The following MKNK2 variants were observed in gnomAD, a reference collection of about 807,000 sequenced individuals.
MKNK2 encodes the protein MAP kinase-interacting serine/threonine-protein kinase 2.
MKNK2 carries 54 observed loss-of-function variants against 55.0 expected under a neutral mutation model. That is an observed-to-expected ratio of 0.98 (90% CI 0.79 to 1.23). MKNK2 has a LOEUF of 1.23. Ranked by LOEUF, MKNK2 falls within the 50% of genes most tolerant of loss-of-function variation. The pLI, the probability that MKNK2 is intolerant of heterozygous loss-of-function variation, is 0.00. For synonymous variants in MKNK2, 323 were observed against 256.0 expected (o/e 1.26, Z -2.50); for missense variants, 685 against 632.1 (o/e 1.08, Z -0.90).
At chr19:2,045,813 G>A (rs1276740747) in intron 5 of MKNK2, among the ~76,000 whole-genome samples, 1 of 152,220 alleles carries the variant, frequency 6.6e-6, no homozygotes, top group African/African-American at 2.4e-5. Context: ...GCCGCCCAGG[G>A]CTAGAGTGAC....
chr19:2,037,889 C>T lies in MKNK2; in HGVS notation c.*1724G>A. The T allele has an allele frequency of 6.7e-7, 1 of 1,495,144 alleles. No homozygotes were observed. Among genetic ancestry groups the T allele is most frequent in the East Asian group, 2.3e-5 (1 of 42,716 alleles). 92.6% of individuals were successfully genotyped at this position (1,495,144 alleles called of 1,614,324 possible). ...GCTGCTAGCCACTCAGCTTTAGAGA[C>T]CCGATGGCTATGGGCGCCTGCAGCG... On this transcript the variant is annotated 3_prime_UTR_variant, in exon 14 of 14. Transcript: ENST00000250896.
In MKNK2 at chr19:2,037,663, C is replaced by T. The variant is rs1321439350; in HGVS notation, c.*1950G>A. The T allele has an allele frequency of 2.8e-5, 22 of 790,038 alleles. No individual in the cohort carries two copies. The highest frequency in any genetic ancestry group is 4.0e-4 in the Middle Eastern group (1 of 2,520). 48.9% of individuals were successfully genotyped at this position (790,038 alleles called of 1,614,324 possible). On this transcript the variant is annotated 3_prime_UTR_variant, in exon 14 of 14. Transcript: ENST00000250896. ...TTTTTTTTTTGTCTTTTAAAAACAT[C>T]GTAACATTAACACATGGCCGTTCAC...
rs558092246 is a variant in MKNK2, at chr19:2,039,070, A to G, written c.*543T>C. 9.9e-5 allele frequency: 98 copies of G among 986,872 alleles called. No individual in the cohort carries two copies. The African/African-American group carries it at 1.6e-3, about 16-fold the overall frequency. 61.1% of individuals were successfully genotyped at this position (986,872 alleles called of 1,614,324 possible). The stretch of plus-strand genomic sequence containing the variant: ...CCACCTGCCTGCCTGACACCTCCAG[A>G]GACAGGCAGCCCCTCCCTTCCCCAA... On this transcript the variant is annotated 3_prime_UTR_variant, in exon 14 of 14. Coordinates refer to ENST00000250896, the MANE Select transcript of MKNK2 (RefSeq NM_199054.3).
At chr19:2,050,431 A>C (rs2145698060) in intron 2 of MKNK2, among the ~76,000 whole-genome samples, 1 of 152,274 alleles carries the variant, frequency 6.6e-6, no homozygotes, top group South Asian at 2.1e-4. Context: ...GACACCCCCC[A>C]TAAGCCACAT....
In MKNK2 at chr19:2,037,756, C is replaced by A. The variant is rs559094668; in HGVS notation, c.*1857G>T. 5 of 1,598,820 alleles carry A rather than the reference C, an allele frequency of 3.1e-6. No individual in the cohort carries two copies. In the Admixed American group the frequency reaches 8.4e-5, roughly 27 times the overall value. ...CAGGATCTTCACTCATTCACAGTAA[C>A]GGTTCTGACCAGTCCTCCAGGTCGC... On this transcript the variant is annotated 3_prime_UTR_variant, in exon 14 of 14. Coordinates refer to ENST00000250896, the MANE Select transcript of MKNK2 (RefSeq NM_199054.3).
Position 2,039,366 on chromosome 19 carries a change from C to T in MKNK2, c.*247G>A, listed in dbSNP as rs1455732467. ...CAAGCCCACCCACCTACCCTCTGCTCACCTTCCCGGGTGCCTGCAATGCTT... is the reference window on the plus strand; with the variant it reads ...CAAGCCCACCCACCTACCCTCTGCTTACCTTCCCGGGTGCCTGCAATGCTT... On this transcript the variant is annotated 3_prime_UTR_variant, in exon 14 of 14. Coordinates refer to ENST00000250896, the MANE Select transcript of MKNK2 (RefSeq NM_199054.3). 4 of 1,377,022 alleles carry T rather than the reference C, an allele frequency of 2.9e-6. No homozygotes were observed. The East Asian group carries it at 7.9e-5, about 27-fold the overall frequency. The allele number at this position is 1,377,022 out of a possible 1,614,324, so 85.3% of individuals were successfully genotyped here.
At chr19:2,041,338 G>T (rs1187635254) in intron 11 of MKNK2, 134 bp from the exon 12 acceptor site, 3 of 870,778 alleles carry the variant, frequency 3.4e-6, no homozygotes, top group Non-Finnish European at 5.2e-6. Context: ...GGCAGAGGGG[G>T]CTGGGAGCCG....
At position 2,038,510 on chromosome 19, in the gene MKNK2, G is replaced by C; in HGVS notation, c.*1103C>G. 1.0e-6 allele frequency: 1 copy of C among 985,632 alleles called. No individual in the cohort carries two copies. Among genetic ancestry groups the C allele is most frequent in the Non-Finnish European group, 1.2e-6 (1 of 829,998 alleles). The allele number at this position is 985,632 out of a possible 1,614,324, so 61.1% of individuals were successfully genotyped here. A position where few individuals can be genotyped will look rare whatever the true frequency, so the allele number is the denominator to read the frequency against. ...GGACTGAGCAGACCCCCGCATTCCTGGGTGCCCGAAGGGAGGCCGAGGCCG... is the reference window on the plus strand; with the variant it reads ...GGACTGAGCAGACCCCCGCATTCCTCGGTGCCCGAAGGGAGGCCGAGGCCG... On this transcript the variant is annotated 3_prime_UTR_variant, in exon 14 of 14. Transcript: ENST00000250896.
rs776764790 is a variant in MKNK2, at chr19:2,039,722, G to GT, written c.1288dup (p.Thr430AsnfsTer46). On this transcript the variant is annotated frameshift_variant, in exon 14 of 14. Coordinates refer to ENST00000250896, the MANE Select transcript of MKNK2 (RefSeq NM_199054.3). LOFTEE classifies it high-confidence loss of function. ...TGGAGACAGCTGCAGGCAGCGTGAG[G>GT]TAGCTCGGACCAGGACGGGCTGGCC... The GT allele has an allele frequency of 6.2e-7, 1 of 1,611,854 alleles. No individual in the cohort carries two copies. The highest frequency in any genetic ancestry group is 8.5e-7 in the Non-Finnish European group (1 of 1,179,902).
rs1225402101 is a variant in MKNK2, at chr19:2,040,067, CA to C, written c.1154+66del. ...CCAAAGCAGTTCTCCGGGTCTTTCA[CA>C]AATGTCTTAACCTGGAAACCCCGCC... On this transcript the variant is annotated intron_variant, in intron 13 of 13. Transcript: ENST00000250896. 6 of 1,518,726 alleles carry C rather than the reference CA, an allele frequency of 4.0e-6. No homozygotes were observed. In the East Asian group the frequency reaches 9.5e-5, roughly 24 times the overall value. 94.1% of individuals were successfully genotyped at this position (1,518,726 alleles called of 1,614,324 possible).
chr19:2,041,715 G>A (rs2016887040), intron 11 of MKNK2, 125 bp downstream of exon 11: 1 of 722,330 alleles, frequency 1.4e-6, no homozygotes, highest in Non-Finnish European at 2.2e-6. Context: ...GTTAGGGGGT[G>A]GTCAGGGGGC....
chr19:2,041,214 T>C lies in MKNK2; in HGVS notation c.946-10A>G, dbSNP rs200863983. 2.7e-4 allele frequency: 442 copies of C among 1,609,006 alleles called. No homozygotes were observed. Among genetic ancestry groups the C allele is most frequent in the Admixed American group, 1.4e-3 (82 of 59,836 alleles). ...TCTCAAACAGCATGTTCTGGGGACA[T>C]AGAACACAGGGGAGCTTAGACCTGC... On this transcript the variant is annotated splice_polypyrimidine_tract_variant and intron_variant, in intron 11 of 13. Coordinates refer to ENST00000250896, the MANE Select transcript of MKNK2 (RefSeq NM_199054.3).
Position 2,046,608 on chromosome 19 carries a change from G to T in MKNK2, c.135C>A (p.Arg45=). The T allele has an allele frequency of 6.4e-7, 1 of 1,566,750 alleles. No homozygotes were observed. The highest frequency in any genetic ancestry group is 8.6e-7 in the Non-Finnish European group (1 of 1,156,852). The part of the protein sequence containing the change: ...DSDFGLQCSA[R]PDMPASQPID... The stretch of plus-strand genomic sequence containing the variant: ...CCTCCCCCTCGGGCCCCTCACCAGG[G>T]CGGGCTGAGCACTGCAGGCCAAAGT... Residue 45 remains arginine (R), a synonymous_variant, in exon 3 of 14, where the codon CGC becomes CGA. Transcript: ENST00000250896.
Position 2,046,473 on chromosome 19 carries a change from T to C in MKNK2, c.140-5A>G. The C allele has an allele frequency of 1.9e-6, 3 of 1,606,830 alleles. No homozygotes were observed. The highest frequency in any genetic ancestry group is 2.5e-6 in the Non-Finnish European group (3 of 1,178,774). ...TGGGCTGGCTGGCGGGCATGTCTGT[T>C]CCAGGAGGCACGCCCAGGGGGCTCA... On this transcript the variant is annotated splice_region_variant and splice_polypyrimidine_tract_variant and intron_variant, in intron 3 of 13. Coordinates refer to ENST00000250896, the MANE Select transcript of MKNK2 (RefSeq NM_199054.3).
Position 2,039,174 on chromosome 19 carries a change from A to C in MKNK2, c.*439T>G. The C allele has an allele frequency of 1.0e-6, 1 of 1,000,914 alleles. No homozygotes were observed. Among genetic ancestry groups the C allele is most frequent in the Admixed American group, 5.7e-5 (1 of 17,628 alleles). 62.0% of individuals were successfully genotyped at this position (1,000,914 alleles called of 1,614,324 possible). A position where few individuals can be genotyped will look rare whatever the true frequency, so the allele number is the denominator to read the frequency against. On this transcript the variant is annotated 3_prime_UTR_variant, in exon 14 of 14. Transcript: ENST00000250896. Reference sequence around the variant, plus strand: ...CTGAAATACTGCGGGCTGGGAGGGAACACGAGGGCAGGGTCCTGTGCCCCT... The same window carrying C: ...CTGAAATACTGCGGGCTGGGAGGGACCACGAGGGCAGGGTCCTGTGCCCCT...
intron 8 of MKNK2, 28 bp from the exon 9 acceptor site, chr19:2,042,690 G>C: frequency 1.3e-6 from 2 of 1,556,554 alleles, no homozygotes; most frequent in Non-Finnish European, 1.7e-6. Context: ...GAACCACGAC[G>C]GGGTGAGGGT....
chr19:2,042,116 C>G (rs2030804881), intron 10 of MKNK2, 82 bp from the exon 11 acceptor site: 2 of 1,309,216 alleles, frequency 1.5e-6, no homozygotes, highest in Non-Finnish European at 1.0e-6. Flanking sequence ...GGGTCACCTG[C>G]GCCAGCCGGC....
chr19:2,037,792 G>C lies in MKNK2; in HGVS notation c.*1821C>G, dbSNP rs773969028. Reference sequence around the variant, plus strand: ...AGTCCTCCAGGTCGCACGTGGATGCGACAGGGGTGGGGAGGGAGGAGGAAG... The same window carrying C: ...AGTCCTCCAGGTCGCACGTGGATGCCACAGGGGTGGGGAGGGAGGAGGAAG... On this transcript the variant is annotated 3_prime_UTR_variant, in exon 14 of 14. Coordinates refer to ENST00000250896, the MANE Select transcript of MKNK2 (RefSeq NM_199054.3). The C allele has an allele frequency of 6.2e-7, 1 of 1,605,918 alleles. No homozygotes were observed. Among genetic ancestry groups the C allele is most frequent in the Non-Finnish European group, 8.5e-7 (1 of 1,176,042 alleles).
At chr19:2,041,297 C>G in intron 11 of MKNK2, 93 bp from the exon 12 acceptor site, 1 of 1,394,968 alleles carries the variant, frequency 7.2e-7, no homozygotes, top group Non-Finnish European at 9.9e-7. Context: ...CAACCAGGCC[C>G]TAGACCAGGC....
Sources: allele counts gnomAD v4.1 joint callset (sites outside exome capture counted in the v4.1 genomes callset), GRCh38; gene constraint gnomAD v4.1.1; transcripts MANE v1.5; gene names NCBI Gene and HGNC (gene_info 2026-07-23, HGNC 2026-07-21).